The following LPXN variants were observed in gnomAD, a reference collection of about 807,000 sequenced individuals.
LPXN encodes leupaxin.
In LPXN, 28 loss-of-function variants were observed where a neutral mutation model predicts 45.6. The ratio of observed to expected loss-of-function variants is 0.61; its 90% CI spans 0.45 to 0.84. LPXN has a LOEUF of 0.84. LPXN is among the 40% of genes least tolerant of loss of function. The pLI, the probability that LPXN is intolerant of heterozygous loss-of-function variation, is 0.00. For synonymous variants in LPXN, 166 were observed against 169.9 expected, an observed-to-expected ratio of 0.98 and a Z score of 0.18; for missense variants, 459 against 475.0, an observed-to-expected ratio of 0.97 and a Z score of 0.31.
intron 2 of LPXN, among the ~76,000 whole-genome samples, chr11:58,566,940 T>C (rs1367526077): frequency 6.6e-6 from 1 of 152,150 alleles, no homozygotes; most frequent in Non-Finnish European, 1.5e-5. Context: ...TTTCCTTGCA[T>C]GGTAGTGTTC....
chr11:58,530,906 C>G (rs1027459932), intron 7 of LPXN, among the ~76,000 whole-genome samples: 2 of 152,198 alleles, frequency 1.3e-5, no homozygotes, highest in Non-Finnish European at 2.9e-5. Context: ...AATACCCAGG[C>G]AAACAGGGTC....
chr11:58,570,849 AT>A, intron 1 of LPXN, 136 bp from the exon 2 acceptor site: 1 of 580,288 alleles, frequency 1.7e-6, no homozygotes, highest in Non-Finnish European at 2.9e-6. Flanking sequence ...ACTTTCCCTT[AT>A]TCCTTATTTC....
rs35101887 is a variant in LPXN, at chr11:58,565,533, C to CA, written c.172-1333dup. Reference sequence around the variant, plus strand: ...TGGGTGACAGAGCGAGACTCGGTCTCAAAAAAAAAAAAAATGTGTTTATTG... The same window carrying CA: ...TGGGTGACAGAGCGAGACTCGGTCTCAAAAAAAAAAAAAAATGTGTTTATTG... On this transcript the variant is annotated intron_variant, in intron 2 of 8. Coordinates refer to ENST00000395074, the MANE Select transcript of LPXN (RefSeq NM_004811.3). 1.1e-3 allele frequency among the ~76,000 whole-genome samples: 142 copies of CA among 125,928 alleles called. 1 individual carries two copies. Among genetic ancestry groups the CA allele is most frequent in the Middle Eastern group, 8.7e-3 (2 of 230 alleles). The allele number at this position is 125,928 out of a possible 152,430, so 82.6% of individuals were successfully genotyped here.
intron 3 of LPXN, 80 bp from the exon 4 acceptor site, chr11:58,555,020 G>T: frequency 1.1e-6 from 1 of 878,338 alleles, no homozygotes; most frequent in Non-Finnish European, 1.9e-6. Flanking sequence ...TACTGGAAAT[G>T]CAACTGTAAT....
chr11:58,554,608 G>T (rs1169176209), intron 4 of LPXN: 6 of 361,630 alleles, frequency 1.7e-5, no homozygotes, highest in Non-Finnish European at 3.0e-5. Flanking sequence ...AGCTCCTTGA[G>T]ATCAAAGTCT....
At chr11:58,532,476 G>T (rs560527324) in intron 7 of LPXN, among the ~76,000 whole-genome samples, 1 of 152,250 alleles carries the variant, frequency 6.6e-6, no homozygotes, top group African/African-American at 2.4e-5. Flanking sequence ...TCAGCACTCT[G>T]TGTCTGGCTC....
intron 3 of LPXN, among the ~76,000 whole-genome samples, 186 bp downstream of exon 3, chr11:58,563,969 C>A (rs1281029229): frequency 1.3e-5 from 2 of 152,142 alleles, no homozygotes; most frequent in East Asian, 3.8e-4. Context: ...AGAAGCCAGG[C>A]ACCTTGAGAA....
intron 4 of LPXN, among the ~76,000 whole-genome samples, chr11:58,553,345 A>AG (rs1231063449): frequency 6.6e-6 from 1 of 151,868 alleles, no homozygotes; most frequent in East Asian, 1.9e-4. Context: ...CAAAAAAAAA[A>AG]AAAAAAAAAA....
intron 7 of LPXN, among the ~76,000 whole-genome samples, chr11:58,534,727 C>T (rs1379205200): frequency 1.3e-5 from 2 of 152,080 alleles, no homozygotes; most frequent in East Asian, 1.9e-4. Context: ...ATCAATGAAT[C>T]CCGGAGGTGG....
intron 3 of LPXN, among the ~76,000 whole-genome samples, chr11:58,556,813 T>C (rs1488152518): frequency 6.6e-6 from 1 of 152,104 alleles, no homozygotes; most frequent in African/African-American, 2.4e-5. Context: ...ACAAGAAATG[T>C]GTAAGAATTC....
Position 58,527,627 on chromosome 11 carries a change from G to A in LPXN, c.988C>T (p.His330Tyr), listed in dbSNP as rs1853264530. Reference sequence around the variant, plus strand: ...CCAGTGATGGGCTGCCCACACCCATGGCAGAGCGTTCCCCGGCGGTGATGG... The same window carrying A: ...CCAGTGATGGGCTGCCCACACCCATAGCAGAGCGTTCCCCGGCGGTGATGG... ...HYHHRRGTLC[H>Y]GCGQPITGRC... Residue 330 changes from histidine to tyrosine, a missense_variant, in exon 9 of 9, where the codon CAT becomes TAT. His to Tyr is a moderately conservative substitution (Grantham distance 83). Coordinates refer to ENST00000395074, the MANE Select transcript of LPXN (RefSeq NM_004811.3). The A allele has an allele frequency of 6.2e-7, 1 of 1,614,174 alleles. No homozygotes were observed. Among genetic ancestry groups the A allele is most frequent in the Non-Finnish European group, 8.5e-7 (1 of 1,180,018 alleles).
intron 7 of LPXN, among the ~76,000 whole-genome samples, chr11:58,534,586 C>T (rs180884925): frequency 9.1e-4 from 139 of 152,014 alleles, no homozygotes; most frequent in Non-Finnish European, 1.6e-3. Flanking sequence ...GATCTAAAAT[C>T]GACACCCTAA....
chr11:58,568,117 G>C (rs1747738696), intron 2 of LPXN, among the ~76,000 whole-genome samples: 1 of 152,134 alleles, frequency 6.6e-6, no homozygotes, highest in South Asian at 2.1e-4. Context: ...GTGGCCAGCA[G>C]GGGGAAAAGC....
chr11:58,576,672 G>A (rs1241440694), upstream of LPXN, among the ~76,000 whole-genome samples: 1 of 152,138 alleles, frequency 6.6e-6, no homozygotes, highest in Non-Finnish European at 1.5e-5. Context: ...TTTACCAATG[G>A]TGAAATAGGT....
At chr11:58,577,895 A>G, upstream of LPXN, 1 of 1,137,342 alleles carries the variant, frequency 8.8e-7, no homozygotes, top group Non-Finnish European at 1.2e-6. Context: ...AATTCGTTTC[A>G]CAGATTTGAT....
chr11:58,542,218 T>A (rs1166310059), intron 7 of LPXN, among the ~76,000 whole-genome samples: 4 of 141,928 alleles, frequency 2.8e-5, no homozygotes, highest in Admixed American at 7.1e-5. Context: ...AGAAAAAAAA[T>A]AATAATATGT....
chr11:58,529,892 G>A (rs1207517351), intron 7 of LPXN, among the ~76,000 whole-genome samples: 12 of 152,056 alleles, frequency 7.9e-5, no homozygotes, highest in African/African-American at 1.9e-4. Flanking sequence ...AGGGCAAGCC[G>A]AAAAAGGGTG....
At chr11:58,557,903 C>T (rs1314377139) in intron 3 of LPXN, among the ~76,000 whole-genome samples, 2 of 152,006 alleles carry the variant, frequency 1.3e-5, no homozygotes, top group African/African-American at 2.4e-5. Context: ...TCAGTTTCCC[C>T]TAAACTGTAA....
chr11:58,527,743 G>C lies in LPXN; in HGVS notation c.892-20C>G. ...GCAGTCCTGGGGTAGAGAGAAGAGA[G>C]AGAAAAAGAATGCAAATGTCAAGAG... is the stretch of plus-strand genomic sequence containing the variant. On this transcript the variant is annotated intron_variant, in intron 8 of 8. Transcript: ENST00000395074. 1 of 1,602,362 alleles carries C rather than the reference G, an allele frequency of 6.2e-7. No individual in the cohort carries two copies. Among genetic ancestry groups the C allele is most frequent in the Non-Finnish European group, 8.5e-7 (1 of 1,172,072 alleles).
Sources: allele counts gnomAD v4.1 joint callset (sites outside exome capture counted in the v4.1 genomes callset), GRCh38; gene constraint gnomAD v4.1.1; transcripts MANE v1.5; gene names NCBI Gene and HGNC (gene_info 2026-07-23, HGNC 2026-07-21).